The following A1CF variants were observed in gnomAD, a reference collection of about 807,000 sequenced individuals.
A1CF encodes the protein APOBEC1 complementation factor, also known as APOBEC-1 stimulating protein.
A neutral mutation model predicts 68.9 loss-of-function variants in A1CF; 48 were observed. That is an observed-to-expected ratio of 0.70 (90% CI 0.55 to 0.89). The LOEUF (loss-of-function observed/expected upper bound fraction) is 0.89, where lower values mean the gene tolerates loss of function less well. Ranked by LOEUF, A1CF falls within the 40% of genes least tolerant of loss-of-function variation. A1CF has a pLI of 0.00. For synonymous variants in A1CF, 272 were observed against 260.4 expected (o/e 1.04, Z -0.43); for missense variants, 653 against 718.9 (o/e 0.91, Z 1.05).
rs1236935001 is a variant in A1CF at position 50,859,918 on chromosome 10, C to T, written c.23G>A (p.Gly8Glu). The change falls in exon 3 of 13, where the codon GGG becomes GAG. Residue 8 changes from glycine to glutamate, a missense_variant. Coordinates refer to ENST00000373997, the MANE Select transcript of A1CF (RefSeq NM_014576.4). ...CTTCTGAGTGCCGCTCAATCCATCC[C>T]CGGATTTGTGATTTGATTCCATTGA... is the stretch of plus-strand genomic sequence containing the variant. Reference protein sequence around the residue: MESNHKSGDGLSGTQKEA... With the variant: MESNHKSEDGLSGTQKEA... 1 of 1,613,904 alleles carries T rather than the reference C, an allele frequency of 6.2e-7. No individual in the cohort carries two copies. The highest frequency in any genetic ancestry group is 8.5e-7 in the Non-Finnish European group (1 of 1,179,928).
At chr10:50,869,478 A>G (rs1470911699) in intron 1 of A1CF, among the ~76,000 whole-genome samples, 1 of 152,062 alleles carries the variant, frequency 6.6e-6, no homozygotes, top group African/African-American at 2.4e-5. Context: ...TTGCCTTACT[A>G]ATGGATCCAG....
At chr10:50,874,974 T>TA (rs1841439250) in intron 1 of A1CF, among the ~76,000 whole-genome samples, 1 of 152,160 alleles carries the variant, frequency 6.6e-6, no homozygotes, top group Non-Finnish European at 1.5e-5. Flanking sequence ...ATTTTAAAGC[T>TA]TCTCAGGTGA....
chr10:50,835,453 C>A (rs758510043), intron 6 of A1CF, among the ~76,000 whole-genome samples: 2 of 152,024 alleles, frequency 1.3e-5, no homozygotes, highest in African/African-American at 2.4e-5. Flanking sequence ...TTAGAATGAG[C>A]CAAGAACTGT....
intron 3 of A1CF, among the ~76,000 whole-genome samples, chr10:50,856,013 G>A (rs1840461182): frequency 6.6e-6 from 1 of 151,970 alleles, no homozygotes; most frequent in Admixed American, 6.6e-5. Context: ...GAAGGCTGAA[G>A]TATTAGTAAG....
At chr10:50,830,810 T>G (rs768336154) in intron 6 of A1CF, among the ~76,000 whole-genome samples, 6 of 152,176 alleles carry the variant, frequency 3.9e-5, no homozygotes, top group Middle Eastern at 3.4e-3. Context: ...GCCAAAGAAA[T>G]CTGAACCAAA....
intron 3 of A1CF, among the ~76,000 whole-genome samples, chr10:50,846,863 C>G (rs1372404324): frequency 6.6e-6 from 1 of 152,048 alleles, no homozygotes; most frequent in African/African-American, 2.4e-5. Context: ...CTGGCCAGTT[C>G]AGGGATGCCC....
intron 3 of A1CF, among the ~76,000 whole-genome samples, chr10:50,846,099 C>G (rs769937362): frequency 6.6e-6 from 1 of 151,974 alleles, no homozygotes; most frequent in African/African-American, 2.4e-5. Flanking sequence ...ATTTCTAACC[C>G]CAAAATCCAA....
chr10:50,879,003 C>T (rs1211354546), intron 1 of A1CF, among the ~76,000 whole-genome samples: 1 of 152,196 alleles, frequency 6.6e-6, no homozygotes. Context: ...CTTCTCTTCC[C>T]TATCATCAAA....
chr10:50,799,935 T>C lies in A1CF; in HGVS notation c.*6794A>G, dbSNP rs1837533266. 1 of 152,114 alleles carries C rather than the reference T, an allele frequency of 6.6e-6. No homozygotes were observed. Among genetic ancestry groups the C allele is most frequent in the Admixed American group, 6.5e-5 (1 of 15,276 alleles). The allele number at this position is 152,114 out of a possible 1,614,324, so 9.4% of individuals were successfully genotyped here. ...TTACATTAAATATTTAAACCAGTGA[T>C]AATGATGAATTGATTTAAATAGATT... is the stretch of plus-strand genomic sequence containing the variant. On this transcript the variant is annotated 3_prime_UTR_variant, in exon 13 of 13. Coordinates refer to ENST00000373997, the MANE Select transcript of A1CF (RefSeq NM_014576.4).
At chr10:50,807,580 G>A (rs1233894837) in intron 12 of A1CF, among the ~76,000 whole-genome samples, 1 of 152,158 alleles carries the variant, frequency 6.6e-6, no homozygotes, top group Non-Finnish European at 1.5e-5. Context: ...GAGAACCAAA[G>A]TATCTGAGAA....
intron 3 of A1CF, among the ~76,000 whole-genome samples, chr10:50,844,765 C>T (rs1212959033): frequency 6.6e-6 from 1 of 152,168 alleles, no homozygotes; most frequent in Non-Finnish European, 1.5e-5. Context: ...CTGTACCATC[C>T]TTAGAAGTAG....
At chr10:50,865,770 T>C (rs1355214768) in intron 1 of A1CF, among the ~76,000 whole-genome samples, 2 of 152,244 alleles carry the variant, frequency 1.3e-5, no homozygotes, top group African/African-American at 4.8e-5. Context: ...TGATGCTTTC[T>C]TTCTTTGACA....
In A1CF at chr10:50,850,748, C is replaced by A. The variant is rs552367928; in HGVS notation, c.100-6626G>T. On this transcript the variant is annotated intron_variant, in intron 3 of 12. Coordinates refer to ENST00000373997, the MANE Select transcript of A1CF (RefSeq NM_014576.4). ...CCAGGAATTGCTGTGCTCATGCTCG[C>A]TTCTGGCTCTGGGCATGTGCCCAGA... 3.1e-6 allele frequency: 5 copies of A among 1,614,160 alleles called. No individual in the cohort carries two copies. The East Asian group carries it at 6.7e-5, about 22-fold the overall frequency.
rs376714877 is a variant in A1CF, at chr10:50,828,122, A to G, written c.769+9T>C. ...GTTTTGAAAAACTAATCTTGTATAT[A>G]TGTCCTACCTGGTTTGATATTGTTG... is the stretch of plus-strand genomic sequence containing the variant. On this transcript the variant is annotated intron_variant, in intron 7 of 12. Coordinates refer to ENST00000373997, the MANE Select transcript of A1CF (RefSeq NM_014576.4). 1.5e-5 allele frequency: 23 copies of G among 1,550,970 alleles called. No individual in the cohort carries two copies. The Admixed American group carries it at 3.7e-4, about 25-fold the overall frequency.
intron 3 of A1CF, among the ~76,000 whole-genome samples, chr10:50,852,428 A>G (rs1231466044): frequency 6.6e-6 from 1 of 152,174 alleles, no homozygotes; most frequent in Non-Finnish European, 1.5e-5. Context: ...ATCTCTGGCT[A>G]GTAGAAGTAA....
At chr10:50,882,351 A>G (rs989887293) in intron 1 of A1CF, among the ~76,000 whole-genome samples, 2 of 152,128 alleles carry the variant, frequency 1.3e-5, no homozygotes, top group African/African-American at 4.8e-5. Flanking sequence ...CACAAGAATC[A>G]CTTGAATCCA....
chr10:50,854,955 T>A (rs1175970681), intron 3 of A1CF, among the ~76,000 whole-genome samples: 3 of 151,904 alleles, frequency 2.0e-5, no homozygotes, highest in Non-Finnish European at 4.4e-5. Flanking sequence ...AAATTTTATA[T>A]ATATTAGATA....
At position 50,847,097 on chromosome 10, in the gene A1CF, A is replaced by G. The variant is rs1339626149; in HGVS notation, c.100-2975T>C. 3.9e-5 allele frequency among the ~76,000 whole-genome samples: 6 copies of G among 152,326 alleles called. No homozygotes were observed. In the East Asian group the frequency reaches 1.2e-3, roughly 29 times the overall value. On this transcript the variant is annotated intron_variant, in intron 3 of 12. Coordinates refer to ENST00000373997, the MANE Select transcript of A1CF (RefSeq NM_014576.4). ...TTAAAATAGATAAAGCCCAGTTATA[A>G]CTGCTCTTTTCTCTCCTAGCTGATG...
intron 7 of A1CF, among the ~76,000 whole-genome samples, chr10:50,821,417 G>A (rs771162143): frequency 2.6e-5 from 4 of 152,056 alleles, no homozygotes; most frequent in Non-Finnish European, 5.9e-5. Flanking sequence ...TGTTGAAAGA[G>A]CAAAAATAAA....
Sources: allele counts gnomAD v4.1 joint callset (sites outside exome capture counted in the v4.1 genomes callset), GRCh38; gene constraint gnomAD v4.1.1; transcripts MANE v1.5; gene names NCBI Gene and HGNC (gene_info 2026-07-23, HGNC 2026-07-21).